Variants in CADM2 observed in about 807,000 individuals in gnomAD.
The protein encoded by CADM2 is cell adhesion molecule 2.
In CADM2, 12 loss-of-function variants were observed where a neutral mutation model predicts 49.8. That is an observed-to-expected ratio of 0.24 (90% confidence interval 0.15 to 0.39). The LOEUF (loss-of-function observed/expected upper bound fraction) is 0.39. CADM2 is among the 10% of genes least tolerant of loss of function. The pLI is 1.00. For missense variants in CADM2, 378 were observed against 492.3 expected (o/e 0.77, Z 2.20); for synonymous variants, 214 against 175.4 (o/e 1.22, Z -1.74).
intron 1 of CADM2, among the ~76,000 whole-genome samples, chr3:85,324,532 G>C (rs2044698360): frequency 6.6e-6 from 1 of 152,110 alleles, no homozygotes; most frequent in Admixed American, 6.5e-5. Flanking sequence ...AATTAAAGGT[G>C]AGTAAAACCA....
intron 2 of CADM2, among the ~76,000 whole-genome samples, chr3:85,748,304 A>C (rs1046163728): frequency 6.6e-6 from 1 of 151,960 alleles, no homozygotes; most frequent in Non-Finnish European, 1.5e-5. Flanking sequence ...TTCTTCTTAT[A>C]ATCAACTTTA....
chr3:85,373,908 T>A (rs183710477), intron 1 of CADM2, among the ~76,000 whole-genome samples: 42 of 152,238 alleles, frequency 2.8e-4, no homozygotes, highest in Middle Eastern at 3.4e-3. Flanking sequence ...GAAACCCATT[T>A]TTTTTCCTCC....
chr3:86,022,855 A>G (rs573095557), intron 8 of CADM2, among the ~76,000 whole-genome samples: 29 of 152,314 alleles, frequency 1.9e-4, no homozygotes, highest in Non-Finnish European at 3.1e-4. Flanking sequence ...CTTTTCACAG[A>G]AAATATGCAT....
At chr3:85,062,739 A>G (rs1418917931) in intron 1 of CADM2, among the ~76,000 whole-genome samples, 1 of 152,002 alleles carries the variant, frequency 6.6e-6, no homozygotes, top group Non-Finnish European at 1.5e-5. Context: ...TTTAAATGTA[A>G]GAACTGACGA....
At chr3:86,009,380 G>A (rs1731213810) in intron 8 of CADM2, among the ~76,000 whole-genome samples, 1 of 151,188 alleles carries the variant, frequency 6.6e-6, no homozygotes, top group South Asian at 2.1e-4. Context: ...ATTTAAGGGA[G>A]GAAAATCTGT....
At chr3:85,096,724 T>C (rs748411026) in intron 1 of CADM2, among the ~76,000 whole-genome samples, 48 of 152,098 alleles carry the variant, frequency 3.2e-4, no homozygotes, top group Non-Finnish European at 5.9e-4. Flanking sequence ...TTGATATAGA[T>C]CTCTAAACAT....
chr3:85,759,126 A>G (rs374374401), intron 2 of CADM2, among the ~76,000 whole-genome samples: 7 of 152,070 alleles, frequency 4.6e-5, no homozygotes, highest in Non-Finnish European at 8.8e-5. Flanking sequence ...TAAAATAATA[A>G]ATGTATGGAT....
At chr3:85,252,071 A>G (rs2107863411) in intron 1 of CADM2, among the ~76,000 whole-genome samples, 1 of 152,092 alleles carries the variant, frequency 6.6e-6, no homozygotes, top group Non-Finnish European at 1.5e-5. Flanking sequence ...AGATCTCAGG[A>G]AGAGGGTAGT....
chr3:85,183,055 G>C (rs1292819273), intron 1 of CADM2, among the ~76,000 whole-genome samples: 1 of 151,984 alleles, frequency 6.6e-6, no homozygotes, highest in Non-Finnish European at 1.5e-5. Flanking sequence ...ATGCATAATT[G>C]CAATTTACAC....
chr3:85,402,610 G>A lies in CADM2; in HGVS notation c.62-323912G>A, dbSNP rs185720030. Among the ~76,000 whole-genome samples the A allele has an allele frequency of 1.6e-3, 238 of 152,274 alleles. 1 individual carries two copies. Among genetic ancestry groups the A allele is most frequent in the African/African-American group, 5.3e-3 (219 of 41,560 alleles). Reference sequence around the variant, plus strand: ...ATTAAGTGTATGAACTACAGAGACTGACCAAAGCAGTGAGAAAGAATGTCA... The same window carrying A: ...ATTAAGTGTATGAACTACAGAGACTAACCAAAGCAGTGAGAAAGAATGTCA... On this transcript the variant is annotated intron_variant, in intron 1 of 9. Coordinates refer to ENST00000383699, the MANE Select transcript of CADM2 (RefSeq NM_001167675.2).
intron 1 of CADM2, among the ~76,000 whole-genome samples, chr3:85,541,024 G>T (rs1473173831): frequency 6.6e-6 from 1 of 151,804 alleles, no homozygotes; most frequent in Non-Finnish European, 1.5e-5. Flanking sequence ...CAGTCATTTT[G>T]CAGGTTATGG....
chr3:85,087,278 A>C (rs2037416387), intron 1 of CADM2, among the ~76,000 whole-genome samples: 1 of 152,152 alleles, frequency 6.6e-6, no homozygotes, highest in Non-Finnish European at 1.5e-5. Context: ...ATATTTATAG[A>C]ATGAGTATAG....
chr3:85,035,222 T>G (rs1167921188), intron 1 of CADM2, among the ~76,000 whole-genome samples: 1 of 152,208 alleles, frequency 6.6e-6, no homozygotes. Flanking sequence ...ATGTCTTCTT[T>G]TGATAATTGT....
intron 1 of CADM2, among the ~76,000 whole-genome samples, chr3:85,485,811 G>A (rs548537771): frequency 2.0e-5 from 3 of 152,124 alleles, no homozygotes; most frequent in Admixed American, 2.0e-4. Flanking sequence ...ATCTAATTCT[G>A]TGCCCATGAG....
chr3:85,100,538 T>C (rs1348790643), intron 1 of CADM2, among the ~76,000 whole-genome samples: 61 of 152,186 alleles, frequency 4.0e-4, no homozygotes, highest in Admixed American at 4.0e-3. Context: ...TTAAATCTCA[T>C]TGGGTTACAC....
intron 1 of CADM2, among the ~76,000 whole-genome samples, chr3:85,357,371 T>A (rs17437928): frequency 0.17 from 25,698 of 152,110 alleles, 2,809 homozygotes; most frequent in Non-Finnish European, 0.24. Context: ...CAAAAAATTA[T>A]TTCTGATTCT....
chr3:86,029,763 G>C (rs544307110), intron 8 of CADM2, among the ~76,000 whole-genome samples: 1 of 152,088 alleles, frequency 6.6e-6, no homozygotes, highest in Non-Finnish European at 1.5e-5. Context: ...ACCTCAGAGG[G>C]AAATGCCCAG....
At chr3:85,436,867 A>G (rs1481777668) in intron 1 of CADM2, among the ~76,000 whole-genome samples, 1 of 152,190 alleles carries the variant, frequency 6.6e-6, no homozygotes, top group East Asian at 1.9e-4. Flanking sequence ...TGTCACCTAT[A>G]GTCAATAGTT....
chr3:85,244,398 A>G (rs573086049), intron 1 of CADM2, among the ~76,000 whole-genome samples: 2 of 152,186 alleles, frequency 1.3e-5, no homozygotes, highest in Non-Finnish European at 2.9e-5. Flanking sequence ...TAAACCAAAT[A>G]TGCAAATCTT....
Sources: allele counts gnomAD v4.1 joint callset (sites outside exome capture counted in the v4.1 genomes callset), GRCh38; gene constraint gnomAD v4.1.1; transcripts MANE v1.5; gene names NCBI Gene and HGNC (gene_info 2026-07-23, HGNC 2026-07-21).